WNK2: variants seen among roughly 807,000 people sequenced by gnomAD.
WNK2 encodes the protein WNK lysine deficient protein kinase 2.
A neutral mutation model predicts 192.1 loss-of-function variants in WNK2; 67 were observed. The ratio of observed to expected loss-of-function variants is 0.35; its 90% CI spans 0.29 to 0.43. The LOEUF is 0.43. WNK2 is among the 20% of genes least tolerant of loss of function. The pLI, the probability that WNK2 is intolerant of heterozygous loss-of-function variation, is 1.00. For synonymous variants in WNK2, 1,439 were observed against 1,393.9 expected (o/e 1.03, Z -0.72); for missense variants, 2,698 against 3,089.7 (o/e 0.87, Z 3.01).
At position 93,320,353 on chromosome 9, in the gene WNK2, G is replaced by A. The variant is rs1457579945; in HGVS notation, c.6629-14G>A. 7.3e-7 allele frequency: 1 copy of A among 1,367,576 alleles called. No individual in the cohort carries two copies. The highest frequency in any genetic ancestry group is 9.8e-7 in the Non-Finnish European group (1 of 1,021,770). The allele number at this position is 1,367,576 out of a possible 1,614,324, so 84.7% of individuals were successfully genotyped here. On this transcript the variant is annotated splice_polypyrimidine_tract_variant and intron_variant, in intron 29 of 29. Coordinates refer to ENST00000427277, the MANE Select transcript of WNK2 (RefSeq NM_006648.4). ...CGGTGGGCCCACAGTCAGCTGCGCG[G>A]TTTTGTTTTCCAGATCCTGAGAGTG...
Position 93,262,735 on chromosome 9 carries a change from C to G in WNK2, c.3410+16C>G. On this transcript the variant is annotated intron_variant, in intron 14 of 29. Transcript: ENST00000427277. ...GCTGTGAGAGGTAGTGTGGCCCAGCCTCGACCTCGCAGGACGGGTGTAGGG... is the reference window on the plus strand; with the variant it reads ...GCTGTGAGAGGTAGTGTGGCCCAGCGTCGACCTCGCAGGACGGGTGTAGGG... 6.2e-7 allele frequency: 1 copy of G among 1,611,546 alleles called. No homozygotes were observed. The highest frequency in any genetic ancestry group is 8.5e-7 in the Non-Finnish European group (1 of 1,179,806).
rs762525001 is a variant in WNK2, at chr9:93,299,283, T to C, written c.6115+22T>C. 3 of 1,547,318 alleles carry C rather than the reference T, an allele frequency of 1.9e-6. No homozygotes were observed. In the Admixed American group the frequency reaches 5.4e-5, roughly 28 times the overall value. On this transcript the variant is annotated intron_variant, in intron 25 of 29. Coordinates refer to ENST00000427277, the MANE Select transcript of WNK2 (RefSeq NM_006648.4). ...CAAGGTGATTTCCAGCTTGCCTGTC[T>C]CCGAGCATGTGCTAGCCACGTAGGG...
chr9:93,287,706 C>T (rs963518307), intron 19 of WNK2, among the ~76,000 whole-genome samples: 3 of 152,142 alleles, frequency 2.0e-5, no homozygotes, highest in African/African-American at 7.2e-5. Flanking sequence ...TCTCCCCATT[C>T]TCACCTTTTA....
intron 10 of WNK2, 66 bp downstream of exon 10, chr9:93,256,520 G>GC: frequency 7.0e-7 from 1 of 1,436,728 alleles, no homozygotes; most frequent in South Asian, 1.4e-5. Context: ...TGGCCCCTGG[G>GC]CCCAGGTCTA....
intron 26 of WNK2, among the ~76,000 whole-genome samples, chr9:93,303,152 T>C (rs548803630): frequency 9.9e-5 from 15 of 152,280 alleles, no homozygotes; most frequent in African/African-American, 3.6e-4. Flanking sequence ...CCTCCTGGGC[T>C]CAAGCAGTCC....
intron 19 of WNK2, chr9:93,269,094 C>G (rs1438164098): frequency 1.3e-6 from 1 of 756,068 alleles, no homozygotes; most frequent in Non-Finnish European, 2.2e-6. Flanking sequence ...CGCACACCTG[C>G]AGCAGACACG....
At chr9:93,264,798 G>A (rs35199621) in intron 16 of WNK2, among the ~76,000 whole-genome samples, 18,935 of 152,250 alleles carry the variant, frequency 0.12, 1,280 homozygotes, top group African/African-American at 0.16. Context: ...GTGTTGTAGC[G>A]CTCACTCCAG....
intron 2 of WNK2, among the ~76,000 whole-genome samples, chr9:93,197,205 G>A (rs189633330): frequency 6.6e-6 from 1 of 152,282 alleles, no homozygotes; most frequent in Non-Finnish European, 1.5e-5. Context: ...TGACCCATTT[G>A]CAGTTCACCC....
intron 28 of WNK2, among the ~76,000 whole-genome samples, chr9:93,311,894 ACAGGCGTG>A (rs148329597): frequency 0.38 from 57,733 of 151,522 alleles, 12,919 homozygotes; most frequent in Admixed American, 0.51. Flanking sequence ...TGCTGGGATT[ACAGGCGTG>A]AGCCACCGTG....
chr9:93,287,340 C>T (rs933959768), intron 19 of WNK2, among the ~76,000 whole-genome samples: 1 of 152,134 alleles, frequency 6.6e-6, no homozygotes, highest in African/African-American at 2.4e-5. Context: ...GTGGCGTGTG[C>T]CTGGCAGGAC....
intron 2 of WNK2, among the ~76,000 whole-genome samples, chr9:93,217,740 G>GATGTTTGTGCCTGGGCAC (rs1343604516): frequency 6.6e-6 from 1 of 152,248 alleles, no homozygotes; most frequent in African/African-American, 2.4e-5. Flanking sequence ...GGACACCACA[G>GATGTTTGTGCCTGGGCAC]ATGTTTGTGC....
At chr9:93,311,997 C>T (rs1853746854) in intron 28 of WNK2, among the ~76,000 whole-genome samples, 1 of 152,192 alleles carries the variant, frequency 6.6e-6, no homozygotes, top group Non-Finnish European at 1.5e-5. Flanking sequence ...TTTTGCTTTA[C>T]ATTTTCCTAA....
chr9:93,206,497 C>T lies in WNK2; in HGVS notation c.681+20887C>T, dbSNP rs1384764282. 2.0e-5 allele frequency among the ~76,000 whole-genome samples: 3 copies of T among 151,984 alleles called. No individual in the cohort carries two copies. In the East Asian group the frequency reaches 5.8e-4, roughly 30 times the overall value. ...GCTTGCCCCACCTTAGCCCTGGATG[C>T]ACCGGGGAGTTCTGACTGGGGGTGG... On this transcript the variant is annotated intron_variant, in intron 2 of 29. Coordinates refer to ENST00000427277, the MANE Select transcript of WNK2 (RefSeq NM_006648.4).
At position 93,185,117 on chromosome 9, in the gene WNK2, C is replaced by T. The variant is rs1234877902; in HGVS notation, c.188C>T (p.Pro63Leu). The change falls in exon 2 of 30, where the codon CCG becomes CTG. Residue 63 changes from proline to leucine, a missense_variant. Pro to Leu is a moderately conservative substitution (Grantham distance 98). Around this residue, in one of 7 missense-constraint regions of WNK2, gnomAD observed 260 missense variants for 285.6 expected, o/e 0.91. Coordinates refer to ENST00000427277, the MANE Select transcript of WNK2 (RefSeq NM_006648.4). ...CCGGGCTTGGAGGCAGCCGAGGCGCCGGGCCCGCAGCCCCCGCAGCCCCTG... is the reference window on the plus strand; with the variant it reads ...CCGGGCTTGGAGGCAGCCGAGGCGCTGGGCCCGCAGCCCCCGCAGCCCCTG... The part of the protein sequence containing the change: ...EPPGLEAAEA[P>L]GPQPPQPLQR... The T allele has an allele frequency of 2.3e-6, 3 of 1,309,132 alleles. No homozygotes were observed. Among genetic ancestry groups the T allele is most frequent in the East Asian group, 3.5e-5 (1 of 28,940 alleles). 81.1% of individuals were successfully genotyped at this position (1,309,132 alleles called of 1,614,324 possible).
Position 93,289,982 on chromosome 9 carries a change from A to T in WNK2, c.4871A>T (p.Glu1624Val). 6.4e-7 allele frequency: 1 copy of T among 1,570,692 alleles called. No homozygotes were observed. Among genetic ancestry groups the T allele is most frequent in the Non-Finnish European group, 8.6e-7 (1 of 1,156,888 alleles). Residue 1624 changes from glutamate to valine, a missense_variant, in exon 21 of 30, where the codon GAG becomes GTG. Around this residue, in one of 7 missense-constraint regions of WNK2, gnomAD observed 1,098 missense variants for 1,101.0 expected, o/e 1.00. Transcript: ENST00000427277. ...GRVQLPQPLVEKSELAPTRGA... is the reference protein window; with the variant it reads ...GRVQLPQPLVVKSELAPTRGA... ...TTTTTGTGTTTCTTTCTCCAGGTGG[A>T]GAAGTCAGAACTGGCCCCCACTCGA...
intron 4 of WNK2, among the ~76,000 whole-genome samples, chr9:93,234,108 A>G (rs1378620604): frequency 6.6e-6 from 1 of 152,132 alleles, no homozygotes; most frequent in Non-Finnish European, 1.5e-5. Context: ...CCTCATGCTC[A>G]TTTTGCTCAG....
intron 4 of WNK2, among the ~76,000 whole-genome samples, chr9:93,232,193 G>A (rs1011638249): frequency 5.9e-5 from 9 of 152,220 alleles, no homozygotes; most frequent in Non-Finnish European, 1.2e-4. Context: ...CTTGGCAGGT[G>A]TGGGGAAAAT....
chr9:93,291,842 G>T (rs1703491570), intron 21 of WNK2, among the ~76,000 whole-genome samples: 2 of 152,236 alleles, frequency 1.3e-5, no homozygotes, highest in African/African-American at 4.8e-5. Context: ...GTCAGAAAGA[G>T]CTCCCTAGAT....
intron 2 of WNK2, among the ~76,000 whole-genome samples, chr9:93,214,892 A>ATTC (rs1835464088): frequency 6.7e-6 from 1 of 150,100 alleles, no homozygotes; most frequent in Non-Finnish European, 1.5e-5. Context: ...TATTATTATT[A>ATTC]TTATTTTAGA....
Sources: gnomAD v4.1 joint callset for allele counts (sites outside exome capture counted in the v4.1 genomes callset) on GRCh38, gnomAD v4.1.1 for gene constraint, gnomAD v4.1.1 regional missense constraint, MANE v1.5 for transcripts, NCBI Gene and HGNC (gene_info 2026-07-23, HGNC 2026-07-21) for gene names.